The following IL1RAPL2 variants were observed in gnomAD, a reference collection of about 807,000 sequenced individuals.
IL1RAPL2 encodes X-linked interleukin-1 receptor accessory protein-like 2.
In IL1RAPL2, 3 loss-of-function variants were observed where a neutral mutation model predicts 44.1. That is an observed-to-expected ratio of 0.07 (90% confidence interval 0.03 to 0.18). IL1RAPL2 has a LOEUF of 0.18. IL1RAPL2 is among the 10% of genes least tolerant of loss of function. IL1RAPL2 has a pLI of 1.00. For synonymous variants in IL1RAPL2, 181 were observed against 178.8 expected, an observed-to-expected ratio of 1.01 and a Z score of -0.10; for missense variants, 391 against 496.4, an observed-to-expected ratio of 0.79 and a Z score of 2.02.
rs1468812071 is a variant in IL1RAPL2, at chrX:105,402,344, C to T, written c.698-81969C>T. On this transcript the variant is annotated intron_variant, in intron 5 of 10. Coordinates refer to ENST00000372582, the MANE Select transcript of IL1RAPL2 (RefSeq NM_017416.2). ...ATCTCAACTTTGAATACTGGCAACA[C>T]TTTCAGCAAGATAAGGATGACAAGA... Among the ~76,000 whole-genome samples the T allele has an allele frequency of 3.6e-5, 4 of 111,457 alleles. No individual in the cohort carries two copies. The East Asian group carries it at 1.1e-3, about 32-fold the overall frequency.
intron 2 of IL1RAPL2, among the ~76,000 whole-genome samples, chrX:104,680,664 A>T (rs1341894233): frequency 9.0e-6 from 1 of 111,614 alleles, no homozygotes; most frequent in Non-Finnish European, 1.9e-5. Flanking sequence ...GAATCATTGG[A>T]TAGTTCTACT....
intron 2 of IL1RAPL2, among the ~76,000 whole-genome samples, chrX:104,678,381 G>A (rs757484164): frequency 2.7e-5 from 3 of 112,157 alleles, no homozygotes; most frequent in South Asian, 3.7e-4. Context: ...AGCATATGCA[G>A]TAGAATGACA....
At chrX:105,450,135 C>T (rs1287988076) in intron 5 of IL1RAPL2, among the ~76,000 whole-genome samples, 2 of 112,214 alleles carry the variant, frequency 1.8e-5, no homozygotes, top group African/African-American at 6.5e-5. Flanking sequence ...CAAATGCTCC[C>T]TCCATTCACA....
At chrX:105,046,557 C>T (rs1224114288) in intron 2 of IL1RAPL2, among the ~76,000 whole-genome samples, 1 of 111,544 alleles carries the variant, frequency 9.0e-6, no homozygotes, top group Non-Finnish European at 1.9e-5. Context: ...TCTTCTCTCT[C>T]CCATTCCTCT....
At chrX:104,645,038 A>G (rs1304614490) in intron 1 of IL1RAPL2, among the ~76,000 whole-genome samples, 3 of 111,415 alleles carry the variant, frequency 2.7e-5, no homozygotes, top group Non-Finnish European at 5.7e-5. Context: ...GAAATATGCT[A>G]TTCCCTTGGT....
intron 2 of IL1RAPL2, among the ~76,000 whole-genome samples, chrX:104,929,353 A>G (rs1029033112): frequency 3.6e-5 from 4 of 111,736 alleles, no homozygotes. Context: ...TTCTGCAATC[A>G]CACTGCGGGG....
intron 2 of IL1RAPL2, among the ~76,000 whole-genome samples, chrX:104,789,231 T>A (rs764604700): frequency 8.9e-6 from 1 of 111,909 alleles, no homozygotes; most frequent in Non-Finnish European, 1.9e-5. Flanking sequence ...ATACAAATGA[T>A]CCCATTACCA....
chrX:104,574,201 A>G (rs1013899156), intron 1 of IL1RAPL2, among the ~76,000 whole-genome samples: 2 of 111,591 alleles, frequency 1.8e-5, no homozygotes, highest in Admixed American at 9.6e-5. Context: ...AAGGTTAATT[A>G]AAAAACTAGG....
At chrX:104,612,151 G>A (rs1929175495) in intron 1 of IL1RAPL2, among the ~76,000 whole-genome samples, 1 of 111,893 alleles carries the variant, frequency 8.9e-6, no homozygotes, top group Admixed American at 9.5e-5. Flanking sequence ...TGTTTATTCT[G>A]TTGATAGGTT....
intron 2 of IL1RAPL2, among the ~76,000 whole-genome samples, chrX:105,102,921 T>C (rs1396569074): frequency 9.0e-5 from 10 of 111,218 alleles, no homozygotes; most frequent in Admixed American, 8.6e-4. Context: ...TAGTAAAAGA[T>C]GATAGCATGG....
intron 5 of IL1RAPL2, among the ~76,000 whole-genome samples, chrX:105,318,962 C>T (rs1426685334): frequency 8.9e-6 from 1 of 112,148 alleles, no homozygotes; most frequent in Non-Finnish European, 1.9e-5. Flanking sequence ...CACTGGCAGC[C>T]CAGAGATACA....
At position 104,739,805 on chromosome X, in the gene IL1RAPL2, C is replaced by T. The variant is rs190204740; in HGVS notation, c.82+80810C>T. On this transcript the variant is annotated intron_variant, in intron 2 of 10. Transcript: ENST00000372582. ...ATAATCATTTTATCATGATACTATA[C>T]CCCTAATTTTTCCATCTTGTATATT... 4.4e-3 allele frequency among the ~76,000 whole-genome samples: 493 copies of T among 111,832 alleles called. 1 individual carries two copies. Among genetic ancestry groups the T allele is most frequent in the African/African-American group, 0.015 (463 of 30,812 alleles).
chrX:104,968,743 G>T (rs186088411), intron 2 of IL1RAPL2, among the ~76,000 whole-genome samples: 1 of 110,601 alleles, frequency 9.0e-6, no homozygotes, highest in South Asian at 3.8e-4. Context: ...GAAAAAAACC[G>T]CGTATAATTG....
At chrX:104,999,829 C>T (rs758375365) in intron 2 of IL1RAPL2, among the ~76,000 whole-genome samples, 1 of 111,396 alleles carries the variant, frequency 9.0e-6, no homozygotes, top group Non-Finnish European at 1.9e-5. Flanking sequence ...GTGATAATAC[C>T]CAATGACATT....
At chrX:104,708,743 T>A (rs1230446924) in intron 2 of IL1RAPL2, among the ~76,000 whole-genome samples, 1 of 110,723 alleles carries the variant, frequency 9.0e-6, no homozygotes, top group Non-Finnish European at 1.9e-5. Context: ...GGGATTGTTA[T>A]CATCTGAGCA....
At chrX:105,095,708 AG>A (rs2032596494) in intron 2 of IL1RAPL2, among the ~76,000 whole-genome samples, 1 of 112,182 alleles carries the variant, frequency 8.9e-6, no homozygotes, top group Non-Finnish European at 1.9e-5. Flanking sequence ...TAGCTCAAAG[AG>A]GTAGATATAA....
chrX:105,167,852 C>T (rs7884422), intron 2 of IL1RAPL2, among the ~76,000 whole-genome samples: 15,731 of 110,038 alleles, frequency 0.14, 2,806 homozygotes, highest in African/African-American at 0.5. Flanking sequence ...AGATCTAAGT[C>T]AAAGTCTTTT....
At chrX:104,779,072 T>C (rs779823092) in intron 2 of IL1RAPL2, among the ~76,000 whole-genome samples, 1 of 112,166 alleles carries the variant, frequency 8.9e-6, no homozygotes, top group Admixed American at 9.5e-5. Flanking sequence ...CATTGACTTC[T>C]TCTCCCTTTT....
Position 105,634,853 on chromosome X carries a change from A to C in IL1RAPL2, c.773-82514A>C, listed in dbSNP as rs147241577. 7.4e-3 allele frequency among the ~76,000 whole-genome samples: 828 copies of C among 111,555 alleles called. 7 individuals are homozygous for C. The highest frequency in any genetic ancestry group is 0.025 in the African/African-American group (769 of 30,756). ...ACTTTTGTAAGAATTTTCTTATTTA[A>C]TTTAATCCTCATACAAACTTGATCC... On this transcript the variant is annotated intron_variant, in intron 6 of 10. Transcript: ENST00000372582.
Sources: gnomAD v4.1 joint callset for allele counts (sites outside exome capture counted in the v4.1 genomes callset) on GRCh38, gnomAD v4.1.1 for gene constraint, MANE v1.5 for transcripts, NCBI Gene and HGNC (gene_info 2026-07-23, HGNC 2026-07-21) for gene names.